The following ITGBL1 variants were observed in gnomAD, a reference collection of about 807,000 sequenced individuals.
ITGBL1 encodes the protein integrin subunit beta like 1.
Under a neutral mutation model 68.5 loss-of-function variants are expected in ITGBL1, and 51 were observed. The ratio of observed to expected loss-of-function variants is 0.74; its 90% CI spans 0.59 to 0.94. ITGBL1 has a LOEUF of 0.94. Ranked by LOEUF, ITGBL1 falls within the 40% of genes least tolerant of loss-of-function variation. The pLI is 0.00. For synonymous variants in ITGBL1, 209 were observed against 227.3 expected (o/e 0.92, Z 0.72); for missense variants, 649 against 647.4 (o/e 1.00, Z -0.03).
chr13:101,668,028 C>A (rs1246117850), intron 7 of ITGBL1, among the ~76,000 whole-genome samples: 1 of 151,934 alleles, frequency 6.6e-6, no homozygotes, highest in African/African-American at 2.4e-5. Context: ...CATTTTGTTG[C>A]CTGGGTTTGC....
chr13:101,471,680 C>G (rs1290348950), intron 2 of ITGBL1, among the ~76,000 whole-genome samples: 1 of 152,036 alleles, frequency 6.6e-6, no homozygotes, highest in Non-Finnish European at 1.5e-5. Flanking sequence ...TTTATGCTAC[C>G]CAAGCTACGT....
intron 8 of ITGBL1, among the ~76,000 whole-genome samples, chr13:101,704,282 G>A (rs1214360054): frequency 1.3e-5 from 2 of 152,004 alleles, no homozygotes; most frequent in African/African-American, 4.8e-5. Context: ...GGTATTAAGT[G>A]GGGATGCTAA....
intron 10 of ITGBL1, 29 bp downstream of exon 10, chr13:101,714,580 T>G: frequency 3.1e-6 from 4 of 1,300,782 alleles, no homozygotes; most frequent in Non-Finnish European, 4.5e-6. Context: ...CTAATTGCTC[T>G]ATGCCACAGT....
intron 2 of ITGBL1, among the ~76,000 whole-genome samples, chr13:101,561,035 A>C (rs1003062553): frequency 5.9e-5 from 9 of 152,202 alleles, no homozygotes; most frequent in Non-Finnish European, 1.2e-4. Context: ...CAGGAAAAGC[A>C]ACTGGCCCCA....
chr13:101,489,344 C>G (rs913119678), intron 2 of ITGBL1, among the ~76,000 whole-genome samples: 3 of 152,084 alleles, frequency 2.0e-5, no homozygotes, highest in African/African-American at 7.2e-5. Context: ...AAAAATCAAA[C>G]AAAAATCTTT....
intron 7 of ITGBL1, among the ~76,000 whole-genome samples, chr13:101,638,747 C>T (rs1314870509): frequency 1.3e-5 from 2 of 152,152 alleles, no homozygotes; most frequent in Non-Finnish European, 2.9e-5. Flanking sequence ...CCTCCCACAA[C>T]ACATGGGAAT....
intron 2 of ITGBL1, among the ~76,000 whole-genome samples, chr13:101,472,187 C>A (rs2139644899): frequency 6.6e-6 from 1 of 152,184 alleles, no homozygotes; most frequent in South Asian, 2.1e-4. Context: ...TAAATATAGA[C>A]TTAATGTCTT....
intron 8 of ITGBL1, among the ~76,000 whole-genome samples, chr13:101,705,063 C>T (rs2034225264): frequency 6.6e-6 from 1 of 152,078 alleles, no homozygotes; most frequent in Non-Finnish European, 1.5e-5. Context: ...AGTAGTCCCC[C>T]ATTCGTATCC....
At chr13:101,695,606 G>A (rs552753704) in intron 8 of ITGBL1, among the ~76,000 whole-genome samples, 2 of 152,282 alleles carry the variant, frequency 1.3e-5, no homozygotes, top group East Asian at 3.9e-4. Flanking sequence ...GATGTTAGGA[G>A]ATGAGCCCTG....
intron 8 of ITGBL1, among the ~76,000 whole-genome samples, chr13:101,694,772 C>T (rs2033965581): frequency 6.6e-6 from 1 of 152,144 alleles, no homozygotes; most frequent in South Asian, 2.1e-4. Context: ...TTGGAGTAAT[C>T]TCAGTCTCTT....
intron 2 of ITGBL1, among the ~76,000 whole-genome samples, chr13:101,474,357 G>A (rs1023690259): frequency 6.6e-6 from 1 of 152,090 alleles, no homozygotes; most frequent in Non-Finnish European, 1.5e-5. Flanking sequence ...GGGAAGGGTG[G>A]GAAGAACTTT....
intron 2 of ITGBL1, among the ~76,000 whole-genome samples, chr13:101,481,977 A>G (rs1397602897): frequency 6.6e-6 from 1 of 152,098 alleles, no homozygotes; most frequent in Non-Finnish European, 1.5e-5. Flanking sequence ...TTAGAAGGCA[A>G]TATTTGGGAG....
intron 2 of ITGBL1, among the ~76,000 whole-genome samples, chr13:101,537,171 T>G (rs879651095): frequency 6.6e-6 from 1 of 151,996 alleles, no homozygotes; most frequent in Non-Finnish European, 1.5e-5. Flanking sequence ...CATATTCTAA[T>G]CAACTTGTAT....
At chr13:101,578,763 CTCTT>C (rs2050405352) in intron 4 of ITGBL1, among the ~76,000 whole-genome samples, 1 of 152,198 alleles carries the variant, frequency 6.6e-6, no homozygotes, top group Admixed American at 6.5e-5. Flanking sequence ...CTGAAAACCT[CTCTT>C]TCACATGGTG....
intron 2 of ITGBL1, among the ~76,000 whole-genome samples, chr13:101,565,415 T>C (rs2050168650): frequency 6.6e-6 from 1 of 152,150 alleles, no homozygotes; most frequent in Non-Finnish European, 1.5e-5. Context: ...CAATGAGTTT[T>C]CCTAAATGGA....
chr13:101,679,648 A>G (rs1004856012), intron 7 of ITGBL1, among the ~76,000 whole-genome samples: 4 of 152,212 alleles, frequency 2.6e-5, no homozygotes, highest in African/African-American at 9.6e-5. Context: ...GTATATGAGT[A>G]TGATATTACT....
chr13:101,595,868 T>A (rs2029931046), intron 6 of ITGBL1, among the ~76,000 whole-genome samples: 3 of 152,168 alleles, frequency 2.0e-5, no homozygotes. Flanking sequence ...AATCACTATC[T>A]TGAAGAGCTG....
At chr13:101,482,337 GTT>G (rs56675220) in intron 2 of ITGBL1, among the ~76,000 whole-genome samples, 3,241 of 148,750 alleles carry the variant, frequency 0.022, 51 homozygotes, top group Non-Finnish European at 0.031. Flanking sequence ...CTGAGTATAG[GTT>G]TTTTTTTTTT....
chr13:101,670,671 T>C lies in ITGBL1; in HGVS notation c.1016-21914T>C, dbSNP rs114869443. Reference sequence around the variant, plus strand: ...GCTTCCCCAGTATCAAAGTTCTAAATTAAGTCTTTTTGACTTCAAATTAAC... The same window carrying C: ...GCTTCCCCAGTATCAAAGTTCTAAACTAAGTCTTTTTGACTTCAAATTAAC... On this transcript the variant is annotated intron_variant, in intron 7 of 10. Transcript: ENST00000376180. 6.9e-3 allele frequency among the ~76,000 whole-genome samples: 1,051 copies of C among 152,340 alleles called. 6 individuals carry two copies. Among genetic ancestry groups the C allele is most frequent in the African/African-American group, 0.024 (986 of 41,586 alleles).
Sources: gnomAD v4.1 joint callset for allele counts (sites outside exome capture counted in the v4.1 genomes callset) on GRCh38, gnomAD v4.1.1 for gene constraint, MANE v1.5 for transcripts, NCBI Gene and HGNC (gene_info 2026-07-23, HGNC 2026-07-21) for gene names.